CXCL13: variants seen among roughly 807,000 people sequenced by gnomAD.
CXCL13 encodes the protein C-X-C motif chemokine 13.
A neutral mutation model predicts 12.2 loss-of-function variants in CXCL13; 7 were observed. The observed-to-expected ratio is 0.57, with a 90% CI of 0.33 to 1.07. The LOEUF is 1.07. Among genes scored for constraint, CXCL13 ranks in the 50% least tolerant of loss-of-function variants. CXCL13 has a pLI of 0.04. For missense variants in CXCL13, 113 were observed against 127.4 expected, an observed-to-expected ratio of 0.89 and a Z score of 0.55; for synonymous variants, 47 against 42.4, an observed-to-expected ratio of 1.11 and a Z score of -0.42.
At chr4:77,524,967 A>G (rs992090751) in intron 1 of CXCL13, among the ~76,000 whole-genome samples, 1 of 152,242 alleles carries the variant, frequency 6.6e-6, no homozygotes, top group African/African-American at 2.4e-5. Context: ...GTATATGACA[A>G]AATTCACATG....
chr4:77,540,502 A>G (rs1725172963), intron 1 of CXCL13, among the ~76,000 whole-genome samples: 1 of 152,084 alleles, frequency 6.6e-6, no homozygotes, highest in South Asian at 2.1e-4. Context: ...CCCACTTGTA[A>G]GAAGTGACAG....
chr4:77,532,741 A>C (rs1724960923), intron 1 of CXCL13, among the ~76,000 whole-genome samples: 1 of 151,886 alleles, frequency 6.6e-6, no homozygotes, highest in South Asian at 2.1e-4. Context: ...TGCTTTGTTC[A>C]TTTCTTTTTA....
rs1727024609 is a variant in CXCL13, at chr4:77,607,603, T to C, written c.65-100T>C. On this transcript the variant is annotated intron_variant, in intron 1 of 3. Transcript: ENST00000682537. ...GGGTGGAAGCACTGACTTGAAACTT[T>C]TAAGTCTTCAAATGCACGTTATGAA... The C allele has an allele frequency of 4.2e-6, 5 of 1,182,882 alleles. No individual in the cohort carries two copies. In the Admixed American group the frequency reaches 8.9e-5, roughly 21 times the overall value. 73.3% of individuals were successfully genotyped at this position (1,182,882 alleles called of 1,614,324 possible).
chr4:77,592,803 A>T (rs1418900595), intron 1 of CXCL13, among the ~76,000 whole-genome samples: 2 of 152,130 alleles, frequency 1.3e-5, no homozygotes, highest in Non-Finnish European at 2.9e-5. Context: ...GAAGCTGGCC[A>T]TCCTGGGTCT....
chr4:77,514,384 G>A (rs1306309339), intron 1 of CXCL13, among the ~76,000 whole-genome samples: 1 of 144,960 alleles, frequency 6.9e-6, no homozygotes, highest in Non-Finnish European at 1.5e-5. Context: ...TCACCACACT[G>A]ACTTCCACAA....
At chr4:77,610,449 CT>C (rs1164434583) in intron 2 of CXCL13, among the ~76,000 whole-genome samples, 164 bp from the exon 3 acceptor site, 5 of 152,162 alleles carry the variant, frequency 3.3e-5, no homozygotes, top group Non-Finnish European at 7.3e-5. Flanking sequence ...TCTCTTATTC[CT>C]CTGACCCCAT....
intron 1 of CXCL13, among the ~76,000 whole-genome samples, chr4:77,577,475 G>A (rs1726225392): frequency 6.6e-6 from 1 of 152,180 alleles, no homozygotes; most frequent in Non-Finnish European, 1.5e-5. Context: ...AAAAGGCACA[G>A]TGCAGGTGAG....
upstream of CXCL13, among the ~76,000 whole-genome samples, chr4:77,601,701 C>A (rs896531967): frequency 6.6e-6 from 1 of 152,314 alleles, no homozygotes. Flanking sequence ...TTTGTGTTTT[C>A]ACAAAGGTTA....
chr4:77,531,977 T>A (rs1724937681), intron 1 of CXCL13, among the ~76,000 whole-genome samples: 1 of 152,210 alleles, frequency 6.6e-6, no homozygotes, highest in Non-Finnish European at 1.5e-5. Context: ...TACAGCACAC[T>A]GACGCGTCTT....
At chr4:77,586,545 G>A (rs1490046908) in intron 1 of CXCL13, among the ~76,000 whole-genome samples, 2 of 152,224 alleles carry the variant, frequency 1.3e-5, no homozygotes, top group East Asian at 1.9e-4. Flanking sequence ...CTGTGCCCAC[G>A]AGGACAAGTA....
At chr4:77,600,085 C>T (rs1446057168) in intron 1 of CXCL13, among the ~76,000 whole-genome samples, 2 of 151,292 alleles carry the variant, frequency 1.3e-5, no homozygotes, top group Non-Finnish European at 2.9e-5. Context: ...GGAGATAGAG[C>T]AGGTTTTGAG....
chr4:77,542,652 G>A (rs957581680), intron 1 of CXCL13, among the ~76,000 whole-genome samples: 3 of 152,088 alleles, frequency 2.0e-5, no homozygotes, highest in African/African-American at 7.2e-5. Context: ...TTCTGTTTAC[G>A]TGGTGAATCA....
intron 1 of CXCL13, among the ~76,000 whole-genome samples, chr4:77,577,929 C>T (rs545983500): frequency 6.6e-6 from 1 of 152,232 alleles, no homozygotes; most frequent in East Asian, 1.9e-4. Flanking sequence ...CTTCTTCCTC[C>T]TCTGTCCTCA....
At chr4:77,556,598 A>G (rs1210189219) in intron 1 of CXCL13, among the ~76,000 whole-genome samples, 2 of 152,164 alleles carry the variant, frequency 1.3e-5, no homozygotes, top group Non-Finnish European at 2.9e-5. Flanking sequence ...TGTATATTAA[A>G]CCTCATTAAG....
intron 1 of CXCL13, among the ~76,000 whole-genome samples, chr4:77,555,878 C>T (rs1488704794): frequency 6.6e-6 from 1 of 152,082 alleles, no homozygotes; most frequent in Admixed American, 6.5e-5. Flanking sequence ...TCAACATTTT[C>T]AGCCATAAAG....
rs1560533769 is a variant in CXCL13 at position 77,586,168 on chromosome 4, A to ATAT, written c.-42-19656_-42-19655insTAT. The stretch of plus-strand genomic sequence containing the variant: ...TTCACATTTATCCTGAATCTCAGTG[A>ATAT]CCATATGCATAACCTCGTTTGAAGT... On this transcript the variant is annotated intron_variant, in intron 1 of 4. Transcript: ENST00000286758. Among the ~76,000 whole-genome samples, 3 of 151,990 alleles carry ATAT rather than the reference A, an allele frequency of 2.0e-5. No homozygotes were observed. In the East Asian group the frequency reaches 5.8e-4, roughly 29 times the overall value.
rs1205660905 is a variant in CXCL13, at chr4:77,592,758, T to C, written c.-42-13066T>C. 3.9e-5 allele frequency among the ~76,000 whole-genome samples: 6 copies of C among 152,122 alleles called. No homozygotes were observed. In the East Asian group the frequency reaches 1.2e-3, roughly 29 times the overall value. ...GGGCAATCCAGTGAAGACATAGACTTTCATCACTCAAGATTCAGTTTTGAG... is the reference window on the plus strand; with the variant it reads ...GGGCAATCCAGTGAAGACATAGACTCTCATCACTCAAGATTCAGTTTTGAG... On this transcript the variant is annotated intron_variant, in intron 1 of 4. Transcript: ENST00000286758.
At chr4:77,573,560 G>A (rs1322847554) in intron 1 of CXCL13, among the ~76,000 whole-genome samples, 1 of 151,620 alleles carries the variant, frequency 6.6e-6, no homozygotes. Flanking sequence ...AAAATTTAAG[G>A]TTACTAAAAA....
At chr4:77,564,104 C>T (rs970786270) in intron 1 of CXCL13, among the ~76,000 whole-genome samples, 4 of 152,106 alleles carry the variant, frequency 2.6e-5, no homozygotes, top group South Asian at 2.1e-4. Context: ...ATTATGAACC[C>T]GGTCCCATTT....
Sources: gnomAD v4.1 joint callset for allele counts (sites outside exome capture counted in the v4.1 genomes callset) on GRCh38, gnomAD v4.1.1 for gene constraint, MANE v1.5 for transcripts, NCBI Gene and HGNC (gene_info 2026-07-23, HGNC 2026-07-21) for gene names.